Variants in CTNNAL1 observed in about 807,000 individuals in gnomAD.
CTNNAL1 encodes catenin alpha like 1.
In CTNNAL1, 69 loss-of-function variants were observed where a neutral mutation model predicts 93.6. The observed-to-expected ratio is 0.74, with a 90% CI of 0.61 to 0.90. CTNNAL1 has a LOEUF of 0.90. Among genes scored for constraint, CTNNAL1 ranks in the 40% least tolerant of loss-of-function variants. The probability of loss-of-function intolerance (pLI) is 0.00; values close to 1 mark genes in which losing one functional copy is unlikely to be tolerated. For synonymous variants in CTNNAL1, 286 were observed against 305.4 expected (o/e 0.94, Z 0.66); for missense variants, 836 against 862.0 (o/e 0.97, Z 0.38).
rs375584105 is a variant in CTNNAL1 at position 108,967,160 on chromosome 9, A to C, written c.1441-1632T>G. ...TTTTAGAGAATCCACTATGTGAAAA[A>C]ATCATGCTAGGTGCTGGGGATAAGG... On this transcript the variant is annotated intron_variant, in intron 10 of 18. Transcript: ENST00000325551. 1.7e-4 allele frequency among the ~76,000 whole-genome samples: 26 copies of C among 152,322 alleles called. No individual in the cohort carries two copies. In the East Asian group the frequency reaches 1.7e-3, roughly 10 times the overall value.
chr9:108,972,864 G>GGGCCCCCCCCCCC, intron 8 of CTNNAL1, 31 bp from the exon 9 acceptor site: 38 of 142,326 alleles, frequency 2.7e-4, no homozygotes, highest in East Asian at 4.4e-4. Context: ...GGGGGGGTGG[G>GGGCCCCCCCCCCC]AGGGTGGAGA....
chr9:108,996,183 T>C (rs533502200), intron 2 of CTNNAL1, among the ~76,000 whole-genome samples: 1 of 152,054 alleles, frequency 6.6e-6, no homozygotes, highest in East Asian at 1.9e-4. Context: ...CCCAGGTTGG[T>C]CTCAAACACA....
chr9:108,976,174 C>A (rs1385748799), intron 8 of CTNNAL1, among the ~76,000 whole-genome samples: 1 of 152,180 alleles, frequency 6.6e-6, no homozygotes, highest in Non-Finnish European at 1.5e-5. Context: ...CAACCTCTGA[C>A]CCAAGATAGC....
At chr9:109,012,812 G>A (rs1827246524) in intron 1 of CTNNAL1, among the ~76,000 whole-genome samples, 1 of 152,210 alleles carries the variant, frequency 6.6e-6, no homozygotes, top group Admixed American at 6.5e-5. Flanking sequence ...CGCACGCTGG[G>A]CGGGGAGGCC....
At chr9:108,992,185 C>CT (rs1831835402) in intron 3 of CTNNAL1, 1 of 602,256 alleles carries the variant, frequency 1.7e-6, no homozygotes. Flanking sequence ...ACATTTAAAG[C>CT]TTTTACCAAT....
Position 108,942,712 on chromosome 9 carries a change from T to A in CTNNAL1, c.*57A>T. On this transcript the variant is annotated 3_prime_UTR_variant, in exon 19 of 19. Transcript: ENST00000325551. ...CTGAAAAGATAAAGGATCATTTGAT[T>A]TTTAAAAATGTCAGCTTCATCACAT... 3 of 1,124,026 alleles carry A rather than the reference T, an allele frequency of 2.7e-6. No homozygotes were observed. The highest frequency in any genetic ancestry group is 4.0e-6 in the Non-Finnish European group (3 of 756,948). 69.6% of individuals were successfully genotyped at this position (1,124,026 alleles called of 1,614,324 possible).
intron 1 of CTNNAL1, among the ~76,000 whole-genome samples, chr9:109,002,619 T>C (rs935791412): frequency 6.6e-6 from 1 of 152,002 alleles, no homozygotes; most frequent in African/African-American, 2.4e-5. Flanking sequence ...TACAGTAAAA[T>C]GTAAGAGAAG....
At chr9:108,945,478 T>TC (rs1830373992) in intron 15 of CTNNAL1, among the ~76,000 whole-genome samples, 1 of 151,368 alleles carries the variant, frequency 6.6e-6, no homozygotes, top group African/African-American at 2.4e-5. Flanking sequence ...TTTTTTTTTT[T>TC]TGAGACAGGG....
rs182823017 is a variant in CTNNAL1, at chr9:109,013,044, A to G, written c.141+258T>C. Among the ~76,000 whole-genome samples the G allele has an allele frequency of 1.4e-4, 21 of 152,294 alleles. No homozygotes were observed. The East Asian group carries it at 1.7e-3, about 13-fold the overall frequency. On this transcript the variant is annotated intron_variant, in intron 1 of 18. Coordinates refer to ENST00000325551, the MANE Select transcript of CTNNAL1 (RefSeq NM_003798.4). ...AGGCAGGTACTGGGGGCAAAGGCCC[A>G]GGCCGGCACCCCCGCCCCGCAGCCT...
chr9:108,985,452 G>C (rs902827584), intron 4 of CTNNAL1, among the ~76,000 whole-genome samples: 2 of 152,218 alleles, frequency 1.3e-5, no homozygotes, highest in East Asian at 3.8e-4. Context: ...GTTTGAGAAT[G>C]ATTTGCCTTT....
At chr9:109,003,785 T>C (rs1052736785) in intron 1 of CTNNAL1, among the ~76,000 whole-genome samples, 2 of 152,190 alleles carry the variant, frequency 1.3e-5, no homozygotes, top group Admixed American at 1.3e-4. Context: ...GATGCCAACA[T>C]CATGGATTTC....
At chr9:108,967,308 A>G (rs1264152429) in intron 10 of CTNNAL1, among the ~76,000 whole-genome samples, 1 of 152,234 alleles carries the variant, frequency 6.6e-6, no homozygotes, top group Non-Finnish European at 1.5e-5. Flanking sequence ...AGGGAAATTA[A>G]TAGGATAATG....
At chr9:108,955,922 G>A (rs1422023942) in intron 11 of CTNNAL1, 95 bp from the exon 12 acceptor site, 7 of 723,148 alleles carry the variant, frequency 9.7e-6, no homozygotes, top group Non-Finnish European at 1.5e-5. Flanking sequence ...AAACAAACAG[G>A]AATGTTAGTA....
intron 1 of CTNNAL1, 24 bp from the exon 2 acceptor site, chr9:108,999,280 C>CT: frequency 1.9e-6 from 3 of 1,568,382 alleles, no homozygotes; most frequent in Non-Finnish European, 2.6e-6. Flanking sequence ...ATAAAAGCAA[C>CT]TTTTATCTCA....
chr9:108,960,398 T>C (rs560495038), intron 11 of CTNNAL1, among the ~76,000 whole-genome samples: 1 of 152,252 alleles, frequency 6.6e-6, no homozygotes, highest in Admixed American at 6.5e-5. Flanking sequence ...GCTCCTACCA[T>C]CCCCAAACAA....
intron 11 of CTNNAL1, among the ~76,000 whole-genome samples, chr9:108,964,130 A>C (rs563904256): frequency 6.6e-6 from 1 of 152,206 alleles, no homozygotes; most frequent in African/African-American, 2.4e-5. Flanking sequence ...TCATATGAAA[A>C]TCTATGTAAC....
At chr9:108,954,972 T>A (rs1564123999) in intron 12 of CTNNAL1, among the ~76,000 whole-genome samples, 2 of 151,938 alleles carry the variant, frequency 1.3e-5, no homozygotes, top group African/African-American at 2.4e-5. Context: ...AATTTTATTT[T>A]TTTTTTTTTT....
rs772808041 is a variant in CTNNAL1, at chr9:108,999,116, C to G, written c.282G>C (p.Trp94Cys). Reference sequence around the variant, plus strand: ...CAATATTTATTTCTTCTTTCAAATCCCAGTTTTCATTGGCTATAGCTTCTC... The same window carrying G: ...CAATATTTATTTCTTCTTTCAAATCGCAGTTTTCATTGGCTATAGCTTCTC... The part of the protein sequence containing the change: ...KVGEAIANEN[W>C]DLKEEINIAC... The change falls in exon 2 of 19, where the codon TGG (tryptophan) becomes TGC (cysteine). Residue 94 changes from tryptophan (W) to cysteine (C), a missense_variant. Coordinates refer to ENST00000325551, the MANE Select transcript of CTNNAL1 (RefSeq NM_003798.4). 1 of 1,612,110 alleles carries G rather than the reference C, an allele frequency of 6.2e-7. No homozygotes were observed.
At chr9:108,982,524 T>C (rs115131926) in intron 6 of CTNNAL1, among the ~76,000 whole-genome samples, 1 of 152,120 alleles carries the variant, frequency 6.6e-6, no homozygotes, top group South Asian at 2.1e-4. Context: ...CAAAAAGATA[T>C]GGCACTGCTC....
Sources: allele counts gnomAD v4.1 joint callset (sites outside exome capture counted in the v4.1 genomes callset), GRCh38; gene constraint gnomAD v4.1.1; transcripts MANE v1.5; gene names NCBI Gene and HGNC (gene_info 2026-07-23, HGNC 2026-07-21).